Variants in FARP1 observed in about 807,000 individuals in gnomAD.
FARP1 encodes the protein FERM, ARH/RhoGEF and pleckstrin domain protein 1, also known as FERM, ARHGEF and pleckstrin domain-containing protein 1.
Under a neutral mutation model 128.8 loss-of-function variants are expected in FARP1, and 52 were observed. The observed-to-expected ratio is 0.40, with a 90% CI of 0.32 to 0.51. The LOEUF is 0.51. FARP1 is among the 20% of genes least tolerant of loss of function. The probability of loss-of-function intolerance (pLI) is 0.45; values close to 1 mark genes in which losing one functional copy is unlikely to be tolerated. For missense variants in FARP1, 1,333 were observed against 1,367.9 expected (o/e 0.97, Z 0.40); for synonymous variants, 580 against 551.8 (o/e 1.05, Z -0.72).
chr13:98,176,712 G>T lies in FARP1; in HGVS notation c.-24+33220G>T, dbSNP rs1378493706. ...GCAGATGCCCTGGCGCACGTATGGG[G>T]CCCTTCCTCGCCATCCCCGAGGAGG... On this transcript the variant is annotated intron_variant, in intron 1 of 26. Coordinates refer to ENST00000319562, the MANE Select transcript of FARP1 (RefSeq NM_005766.4). This position sits in a 1 kb window ranked among gnomAD's most constrained non-coding sequence, Gnocchi z 6.2. 1 of 1,614,044 alleles carries T rather than the reference G, an allele frequency of 6.2e-7. No individual in the cohort carries two copies. Among genetic ancestry groups the T allele is most frequent in the African/African-American group, 1.3e-5 (1 of 74,944 alleles).
chr13:98,244,857 G>C, intron 2 of FARP1: 1 of 1,447,866 alleles, frequency 6.9e-7, no homozygotes, highest in African/African-American at 1.4e-5. Flanking sequence ...TGTGATCTCA[G>C]ATACGTGAAG....
At chr13:98,224,737 G>T (rs1881656640) in intron 2 of FARP1, among the ~76,000 whole-genome samples, 1 of 151,880 alleles carries the variant, frequency 6.6e-6, no homozygotes, top group Admixed American at 6.6e-5. Context: ...GGGCCTGCAG[G>T]CAGGCAGTGA....
intron 1 of FARP1, among the ~76,000 whole-genome samples, chr13:98,151,347 T>TTA (rs2139090971): frequency 6.6e-6 from 1 of 152,298 alleles, no homozygotes; most frequent in South Asian, 2.1e-4. Context: ...CTGGGGGTCT[T>TTA]GGAATGTAAA....
intron 2 of FARP1, among the ~76,000 whole-genome samples, chr13:98,342,895 A>C (rs1000104722): frequency 6.7e-6 from 1 of 150,284 alleles, no homozygotes; most frequent in Non-Finnish European, 1.5e-5. Flanking sequence ...ATGGTGGTAC[A>C]TGCCTGTAAT....
At chr13:98,195,330 C>T (rs1349274644) in intron 1 of FARP1, among the ~76,000 whole-genome samples, 1 of 152,182 alleles carries the variant, frequency 6.6e-6, no homozygotes, top group Non-Finnish European at 1.5e-5. Flanking sequence ...CTGTGATTTA[C>T]ATGGGAACTG....
At chr13:98,282,633 C>T (rs141287577) in intron 2 of FARP1, among the ~76,000 whole-genome samples, 5 of 152,006 alleles carry the variant, frequency 3.3e-5, no homozygotes, top group Admixed American at 6.5e-5. Flanking sequence ...GGCCAGGCGC[C>T]GTGGCTCACA....
intron 10 of FARP1, 147 bp from the exon 11 acceptor site, chr13:98,390,665 G>C: frequency 6.6e-6 from 4 of 610,186 alleles, no homozygotes; most frequent in Non-Finnish European, 1.2e-5. Context: ...AGTCTGTCAG[G>C]ATTGCTTTTA....
In FARP1 at chr13:98,269,354, T is replaced by A. The variant is rs372076615; in HGVS notation, c.171+55941T>A. On this transcript the variant is annotated intron_variant, in intron 2 of 26. Coordinates refer to ENST00000319562, the MANE Select transcript of FARP1 (RefSeq NM_005766.4). ...TAAGTATAAACAAAATCTTCATGGA[T>A]TCTTTTAGCAGGAAAATGAGCTTGA... Among the ~76,000 whole-genome samples the A allele has an allele frequency of 9.2e-5, 14 of 152,364 alleles. 1 individual carries two copies. The highest frequency in any genetic ancestry group is 2.0e-4 in the Admixed American group (3 of 15,298).
chr13:98,349,282 G>T (rs1888305863), intron 3 of FARP1, among the ~76,000 whole-genome samples: 1 of 152,190 alleles, frequency 6.6e-6, no homozygotes, highest in Admixed American at 6.5e-5. Context: ...AGCCCAGCAG[G>T]TCTCATGGCA....
At chr13:98,238,069 A>T (rs1263833516) in intron 2 of FARP1, among the ~76,000 whole-genome samples, 1 of 152,230 alleles carries the variant, frequency 6.6e-6, no homozygotes, top group African/African-American at 2.4e-5. Context: ...ATGTCATGCC[A>T]GCAAAAGCAT....
chr13:98,329,172 C>T (rs1287075891), intron 2 of FARP1: 2 of 152,210 alleles, frequency 1.3e-5, no homozygotes, highest in African/African-American at 4.8e-5. Context: ...ATTTCTTTTC[C>T]TGTGTGACCG....
chr13:98,289,621 C>T (rs1885355576), intron 2 of FARP1, among the ~76,000 whole-genome samples: 1 of 152,176 alleles, frequency 6.6e-6, no homozygotes, highest in Admixed American at 6.5e-5. Flanking sequence ...TCCCTGCTCT[C>T]AAGGAGATCA....
At chr13:98,344,075 C>G (rs1277919185) in intron 3 of FARP1, among the ~76,000 whole-genome samples, 1 of 152,126 alleles carries the variant, frequency 6.6e-6, no homozygotes. Context: ...CACATGTGGC[C>G]AAGGGCTATG....
intron 2 of FARP1, chr13:98,244,587 A>G (rs1364894362): frequency 4.3e-6 from 7 of 1,614,068 alleles, no homozygotes; most frequent in Non-Finnish European, 5.1e-6. Flanking sequence ...TTCACATCTA[A>G]TTGAGAAGTT....
chr13:98,322,556 G>T (rs957349382), intron 2 of FARP1, among the ~76,000 whole-genome samples: 5 of 84,778 alleles, frequency 5.9e-5, no homozygotes, highest in African/African-American at 1.8e-4. Context: ...GTGCTCCTTA[G>T]CCGTCAGTGC....
At position 98,395,384 on chromosome 13, in the gene FARP1, AC is replaced by A; in HGVS notation, c.1323del (p.Asp441GlufsTer34). ...AGCCCCGCGGGTAACAAGCAGGCGG[AC>A]GGAGCCGCCTCGGCGCCCACGGAGG... ...RRSPAGNKQA[D>X]GAASAPTEEE... On this transcript the variant is annotated frameshift_variant, in exon 13 of 27. Transcript: ENST00000319562. LOFTEE classifies it high-confidence loss of function. 6.2e-7 allele frequency: 1 copy of A among 1,611,808 alleles called. No individual in the cohort carries two copies. The highest frequency in any genetic ancestry group is 8.5e-7 in the Non-Finnish European group (1 of 1,179,122).
intron 2 of FARP1, among the ~76,000 whole-genome samples, chr13:98,251,152 G>T (rs1484431619): frequency 4.6e-5 from 7 of 152,204 alleles, no homozygotes; most frequent in Non-Finnish European, 7.3e-5. Context: ...AAATCTTATT[G>T]TTGAACCATG....
chr13:98,335,207 G>A (rs970050296), intron 2 of FARP1, among the ~76,000 whole-genome samples: 8 of 152,118 alleles, frequency 5.3e-5, no homozygotes, highest in East Asian at 3.9e-4. Context: ...CATCATCGAC[G>A]GAAGTAGTCC....
At chr13:98,223,806 C>T (rs549905862) in intron 2 of FARP1, among the ~76,000 whole-genome samples, 3 of 152,200 alleles carry the variant, frequency 2.0e-5, no homozygotes, top group South Asian at 2.1e-4. Flanking sequence ...TTCCTCATCT[C>T]CCCAGAAGCT....
Sources: allele counts gnomAD v4.1 joint callset (sites outside exome capture counted in the v4.1 genomes callset), GRCh38; gene constraint gnomAD v4.1.1; non-coding constraint Gnocchi (gnomAD v3.1); transcripts MANE v1.5; gene names NCBI Gene and HGNC (gene_info 2026-07-23, HGNC 2026-07-21).